The following HEATR5B variants were observed in gnomAD, a reference collection of about 807,000 sequenced individuals.
HEATR5B encodes HEAT repeat containing 5B.
HEATR5B carries 156 observed loss-of-function variants against 224.1 expected under a neutral mutation model. The observed-to-expected ratio is 0.70, with a 90% CI of 0.61 to 0.80. The LOEUF is 0.80. Ranked by LOEUF, HEATR5B falls within the 30% of genes least tolerant of loss-of-function variation. HEATR5B has a pLI of 0.00. For synonymous variants in HEATR5B, 1,027 were observed against 893.0 expected (o/e 1.15, Z -2.68); for missense variants, 2,323 against 2,535.5 (o/e 0.92, Z 1.80).
intron 18 of HEATR5B, among the ~76,000 whole-genome samples, chr2:37,043,115 T>G (rs185030406): frequency 6.6e-6 from 1 of 152,190 alleles, no homozygotes; most frequent in Non-Finnish European, 1.5e-5. Flanking sequence ...ACTTTCCACT[T>G]GATGTGTGCC....
At chr2:37,061,335 A>AAAG (rs1331121270) in intron 11 of HEATR5B, among the ~76,000 whole-genome samples, 1 of 152,216 alleles carries the variant, frequency 6.6e-6, no homozygotes, top group Non-Finnish European at 1.5e-5. Context: ...TCAGAAAAGA[A>AAAG]AAGTAGGTCA....
rs10202107 is a variant in HEATR5B, at chr2:37,053,568, T to C, written c.2439A>G (p.Gln813=). 1.6e-3 allele frequency: 2,654 copies of C among 1,609,366 alleles called. 40 individuals carry two copies. The African/African-American group carries it at 0.032, about 19-fold the overall frequency. ...CAGCCTGCTGGCGGACACCTTTAGC[T>C]TGTTTAACACATTCAGCAAAGTGAT... The part of the protein sequence containing the change: ...MLDHFAECVK[Q]AKGVRQQAVQ... The change falls in exon 17 of 36, where the codon CAA becomes CAG. Residue 813 remains glutamine (Q), a synonymous_variant. Coordinates refer to ENST00000233099, the MANE Select transcript of HEATR5B (RefSeq NM_019024.3).
intron 34 of HEATR5B, 110 bp downstream of exon 34, chr2:36,990,538 G>C (rs1160697727): frequency 1.0e-6 from 1 of 997,944 alleles, no homozygotes; most frequent in Non-Finnish European, 1.4e-6. Context: ...AAAAGCCATA[G>C]TGCAAATACT....
intron 10 of HEATR5B, among the ~76,000 whole-genome samples, chr2:37,062,832 G>C (rs187133813): frequency 2.6e-4 from 40 of 152,320 alleles, no homozygotes; most frequent in Admixed American, 7.2e-4. Context: ...CTGTCACCCA[G>C]GCTGGGGTGC....
intron 18 of HEATR5B, among the ~76,000 whole-genome samples, chr2:37,047,367 T>C (rs999099490): frequency 7.2e-5 from 11 of 152,166 alleles, no homozygotes; most frequent in Non-Finnish European, 1.3e-4. Flanking sequence ...TAAGAATAAA[T>C]GCAATCTGTG....
rs142966071 is a variant in HEATR5B, at chr2:37,002,338, A to T, written c.5285T>A (p.Leu1762His). The change falls in exon 32 of 36, where the codon CTC (leucine) becomes CAC (histidine). Residue 1762 changes from leucine (L) to histidine (H), a missense_variant. Leu to His is a moderately conservative substitution (Grantham distance 99). This residue lies in a region of HEATR5B where 844 missense variants were observed against 812.9 expected (regional missense o/e 1.04). Coordinates refer to ENST00000233099, the MANE Select transcript of HEATR5B (RefSeq NM_019024.3). Reference sequence around the variant, plus strand: ...TGAACAAAGGGATGGTAAATCAGAGAGTATGGTAACTGTGGCTGCCACCAA... The same window carrying T: ...TGAACAAAGGGATGGTAAATCAGAGTGTATGGTAACTGTGGCTGCCACCAA... ...ARLVAATVTI[L>H]SDLPSLCSPA... 169 of 1,614,116 alleles carry T rather than the reference A, an allele frequency of 1.0e-4. 1 individual carries two copies. The highest frequency in any genetic ancestry group is 9.8e-5 in the Non-Finnish European group (116 of 1,180,050).
chr2:37,039,403 T>A (rs1558330036), intron 20 of HEATR5B, among the ~76,000 whole-genome samples: 1 of 151,756 alleles, frequency 6.6e-6, no homozygotes, highest in Non-Finnish European at 1.5e-5. Context: ...GAAGCAGAGG[T>A]TGCAGTCAGC....
At chr2:37,002,987 C>T (rs1445686458) in intron 31 of HEATR5B, among the ~76,000 whole-genome samples, 1 of 151,744 alleles carries the variant, frequency 6.6e-6, no homozygotes, top group Non-Finnish European at 1.5e-5. Context: ...GGCCAGGTGC[C>T]GTGGCTCAAA....
At chr2:36,997,535 T>C (rs1666800806) in intron 33 of HEATR5B, among the ~76,000 whole-genome samples, 1 of 151,692 alleles carries the variant, frequency 6.6e-6, no homozygotes, top group Non-Finnish European at 1.5e-5. Flanking sequence ...CTGTGACATC[T>C]TTCCTTGACT....
At chr2:37,042,775 C>G (rs1252011995) in intron 18 of HEATR5B, among the ~76,000 whole-genome samples, 1 of 151,660 alleles carries the variant, frequency 6.6e-6, no homozygotes, top group Non-Finnish European at 1.5e-5. Context: ...TCCTGTAATC[C>G]CAGCTACTCC....
At chr2:37,001,208 C>A (rs1242754146) in intron 32 of HEATR5B, among the ~76,000 whole-genome samples, 3 of 152,116 alleles carry the variant, frequency 2.0e-5, no homozygotes, top group African/African-American at 7.2e-5. Flanking sequence ...AACATGTAAT[C>A]AATCCTCAGT....
At chr2:37,079,382 AC>A (rs778187878) in intron 2 of HEATR5B, 51 bp from the exon 3 acceptor site, 2 of 970,072 alleles carry the variant, frequency 2.1e-6, no homozygotes, top group Non-Finnish European at 3.1e-6. Flanking sequence ...TTTTTTTGTT[AC>A]CTTTTAATCA....
At chr2:37,002,776 T>G (rs180949538) in intron 31 of HEATR5B, among the ~76,000 whole-genome samples, 2 of 152,210 alleles carry the variant, frequency 1.3e-5, no homozygotes, top group African/African-American at 4.8e-5. Context: ...ATTTTTCACT[T>G]GGAAAATCTT....
At chr2:37,068,553 C>G in intron 8 of HEATR5B, 128 bp downstream of exon 8, 1 of 951,240 alleles carries the variant, frequency 1.1e-6, no homozygotes, top group Non-Finnish European at 1.6e-6. Flanking sequence ...AATAAGAGTA[C>G]TCAATAAAAA....
In HEATR5B at chr2:37,000,514, C is replaced by T. The variant is rs554984080; in HGVS notation, c.5545+72G>A. 3 of 1,195,558 alleles carry T rather than the reference C, an allele frequency of 2.5e-6. No homozygotes were observed. In the African/African-American group the frequency reaches 4.5e-5, roughly 18 times the overall value. 74.1% of individuals were successfully genotyped at this position (1,195,558 alleles called of 1,614,324 possible). A position where few individuals can be genotyped will look rare whatever the true frequency, so the allele number is the denominator to read the frequency against. On this transcript the variant is annotated intron_variant, in intron 33 of 35. Coordinates refer to ENST00000233099, the MANE Select transcript of HEATR5B (RefSeq NM_019024.3). ...TGTTATACAGCAGTTTTCTGATAAGCTTATTCAACTAATTCATTACTTAGG... is the reference window on the plus strand; with the variant it reads ...TGTTATACAGCAGTTTTCTGATAAGTTTATTCAACTAATTCATTACTTAGG...
chr2:37,070,352 C>T lies in HEATR5B; in HGVS notation c.805G>A (p.Glu269Lys). ...RQNVKRATFD[E>K]VLELMATGFL... ...CCTGTGGCCATGAGTTCTAAGACTT[C>T]ATCAAATGTTGCTCGCTTCACATTC... The change falls in exon 7 of 36, where the codon GAA (glutamate) becomes AAA (lysine). Residue 269 changes from glutamate (E) to lysine (K), a missense_variant. This residue lies in a region of HEATR5B where 292 missense variants were observed against 332.6 expected (regional missense o/e 0.88). Coordinates refer to ENST00000233099, the MANE Select transcript of HEATR5B (RefSeq NM_019024.3). The T allele has an allele frequency of 6.2e-7, 1 of 1,613,852 alleles. No homozygotes were observed. Among genetic ancestry groups the T allele is most frequent in the Non-Finnish European group, 8.5e-7 (1 of 1,179,808 alleles).
In HEATR5B at chr2:37,059,460, A is replaced by AT. The variant is rs1182337163; in HGVS notation, c.1850-474dup. On this transcript the variant is annotated intron_variant, in intron 12 of 35. Transcript: ENST00000233099. ...TGTGTGTGTGTGTATATATATATAT[A>AT]TATATTTTTTTTTTTTTTTTTTTGA... 8.2e-4 allele frequency among the ~76,000 whole-genome samples: 86 copies of AT among 105,182 alleles called. 1 individual carries two copies. Among genetic ancestry groups the AT allele is most frequent in the Non-Finnish European group, 1.3e-3 (69 of 53,900 alleles). The allele number at this position is 105,182 out of a possible 152,430, so 69.0% of individuals were successfully genotyped here. A position where few individuals can be genotyped will look rare whatever the true frequency, so the allele number is the denominator to read the frequency against.
At chr2:37,046,869 G>C (rs772263394) in intron 18 of HEATR5B, among the ~76,000 whole-genome samples, 58 of 151,360 alleles carry the variant, frequency 3.8e-4, no homozygotes, top group Middle Eastern at 3.4e-3. Context: ...GGCCAACATG[G>C]TGAAACGTTG....
intron 10 of HEATR5B, among the ~76,000 whole-genome samples, chr2:37,063,973 G>A (rs1045742953): frequency 1.3e-5 from 2 of 152,030 alleles, no homozygotes; most frequent in African/African-American, 2.4e-5. Flanking sequence ...CACAATGCCC[G>A]GCTAATTTTT....
Sources: gnomAD v4.1 joint callset for allele counts (sites outside exome capture counted in the v4.1 genomes callset) on GRCh38, gnomAD v4.1.1 for gene constraint, gnomAD v4.1.1 regional missense constraint, MANE v1.5 for transcripts, NCBI Gene and HGNC (gene_info 2026-07-23, HGNC 2026-07-21) for gene names.